PRR5L: variants seen among roughly 807,000 people sequenced by gnomAD.
PRR5L encodes the protein proline-rich protein 5-like.
Under a neutral mutation model 36.4 loss-of-function variants are expected in PRR5L, and 21 were observed. That is an observed-to-expected ratio of 0.58 (90% confidence interval 0.41 to 0.83). The LOEUF is 0.83. Among genes scored for constraint, PRR5L ranks in the 40% least tolerant of loss-of-function variants. The pLI, the probability that PRR5L is intolerant of heterozygous loss-of-function variation, is 0.00. For missense variants in PRR5L, 381 were observed against 473.3 expected, an observed-to-expected ratio of 0.80 and a Z score of 1.81; for synonymous variants, 188 against 197.0, an observed-to-expected ratio of 0.95 and a Z score of 0.38.
intron 1 of PRR5L, among the ~76,000 whole-genome samples, chr11:36,311,683 T>C (rs1341154588): frequency 6.6e-6 from 1 of 152,210 alleles, no homozygotes; most frequent in Non-Finnish European, 1.5e-5. Context: ...CACAGTAAGA[T>C]CTTTTCACAC....
At chr11:36,314,963 C>G (rs1263272027) in intron 1 of PRR5L, among the ~76,000 whole-genome samples, 1 of 152,256 alleles carries the variant, frequency 6.6e-6, no homozygotes, top group Admixed American at 6.5e-5. Context: ...TAGAACAGCG[C>G]CTGGTGTCTA....
chr11:36,320,047 A>G (rs539482479), intron 1 of PRR5L, among the ~76,000 whole-genome samples: 2 of 152,222 alleles, frequency 1.3e-5, no homozygotes, highest in South Asian at 4.1e-4. Context: ...TTCCCATATC[A>G]AGTGTATTCA....
intron 7 of PRR5L, among the ~76,000 whole-genome samples, chr11:36,449,399 C>T (rs750134946): frequency 2.0e-5 from 3 of 152,218 alleles, no homozygotes; most frequent in Admixed American, 6.5e-5. Context: ...CCTTCAGCTC[C>T]GTCTTTTCTG....
intron 1 of PRR5L, among the ~76,000 whole-genome samples, chr11:36,394,957 T>C (rs1481447173): frequency 6.6e-6 from 1 of 152,188 alleles, no homozygotes; most frequent in East Asian, 1.9e-4. Context: ...GTGATACACA[T>C]TTGTGGCTGT....
At chr11:36,337,687 T>C (rs1156244393) in intron 1 of PRR5L, among the ~76,000 whole-genome samples, 1 of 152,234 alleles carries the variant, frequency 6.6e-6, no homozygotes, top group Non-Finnish European at 1.5e-5. Context: ...GCTGCCATAT[T>C]GTTCCGCATG....
intron 1 of PRR5L, among the ~76,000 whole-genome samples, chr11:36,380,209 G>A (rs909218330): frequency 9.2e-5 from 14 of 152,172 alleles, no homozygotes; most frequent in African/African-American, 3.4e-4. Flanking sequence ...GGATAATTCT[G>A]ACAGTAGTGA....
rs369799749 is a variant in PRR5L, at chr11:36,413,819, G to A, written c.246-5436G>A. On this transcript the variant is annotated intron_variant, in intron 3 of 8. Coordinates refer to ENST00000530639, the MANE Select transcript of PRR5L (RefSeq NM_001160167.2). Reference sequence around the variant, plus strand: ...GCTGGTGTGCTGCACCCATTAACTCGTCATTTAGCATTAGGTATATCTCCT... The same window carrying A: ...GCTGGTGTGCTGCACCCATTAACTCATCATTTAGCATTAGGTATATCTCCT... Among the ~76,000 whole-genome samples, 417 of 147,812 alleles carry A rather than the reference G, an allele frequency of 2.8e-3. 4 individuals are homozygous for A. The highest frequency in any genetic ancestry group is 7.8e-3 in the South Asian group (36 of 4,594).
intron 1 of PRR5L, among the ~76,000 whole-genome samples, chr11:36,371,610 C>T (rs1857197713): frequency 6.6e-6 from 1 of 152,116 alleles, no homozygotes; most frequent in Admixed American, 6.5e-5. Context: ...AAGGAGAAAA[C>T]TTATGGGAGG....
intron 4 of PRR5L, among the ~76,000 whole-genome samples, chr11:36,420,507 G>A (rs1858240407): frequency 6.6e-6 from 1 of 152,134 alleles, no homozygotes; most frequent in African/African-American, 2.4e-5. Context: ...TTGTCGTGAA[G>A]ACTAAATAAG....
In PRR5L at chr11:36,403,347, A is replaced by G; in HGVS notation, c.214A>G (p.Asn72Asp). 1 of 1,614,190 alleles carries G rather than the reference A, an allele frequency of 6.2e-7. No homozygotes were observed. The highest frequency in any genetic ancestry group is 8.5e-7 in the Non-Finnish European group (1 of 1,180,030). Residue 72 changes from asparagine (N) to aspartate (D), a missense_variant, in exon 3 of 9, where the codon AAC (asparagine) becomes GAC (aspartate). Asn to Asp is a conservative substitution (Grantham distance 23). Coordinates refer to ENST00000530639, the MANE Select transcript of PRR5L (RefSeq NM_001160167.2). ...TTTCAAAGGGGGTGGCTTGCAAAGC[A>G]ACGAGCTCTATGCCCTGAACGAAAA... ...NVFKGGGLQS[N>D]ELYALNENIR...
intron 1 of PRR5L, among the ~76,000 whole-genome samples, chr11:36,348,928 C>T (rs141241037): frequency 1.3e-5 from 2 of 152,276 alleles, no homozygotes; most frequent in Non-Finnish European, 2.9e-5. Flanking sequence ...AGCGGGGTAT[C>T]AGGCACACAG....
At position 36,463,958 on chromosome 11, in the gene PRR5L, A is replaced by G. The variant is rs888362520; in HGVS notation, c.*1222A>G. The stretch of plus-strand genomic sequence containing the variant: ...GAAGCATGGAAAATGGAATGTTTCC[A>G]TGCTTTACAGTGCTGGGAGAGAGGG... On this transcript the variant is annotated 3_prime_UTR_variant, in exon 9 of 9. Coordinates refer to ENST00000530639, the MANE Select transcript of PRR5L (RefSeq NM_001160167.2). The G allele has an allele frequency of 9.2e-5, 14 of 152,200 alleles. No individual in the cohort carries two copies. The highest frequency in any genetic ancestry group is 3.1e-4 in the African/African-American group (13 of 41,446). The allele number at this position is 152,200 out of a possible 1,614,324, so 9.4% of individuals were successfully genotyped here.
chr11:36,451,104 C>T (rs147513581), intron 7 of PRR5L, 105 bp from the exon 8 acceptor site: 5 of 1,397,206 alleles, frequency 3.6e-6, no homozygotes, highest in Middle Eastern at 1.8e-4. Flanking sequence ...GCCAGCAACA[C>T]AGCCTTGTAC....
At chr11:36,394,715 T>G (rs939579162) in intron 1 of PRR5L, among the ~76,000 whole-genome samples, 1 of 152,200 alleles carries the variant, frequency 6.6e-6, no homozygotes, top group Non-Finnish European at 1.5e-5. Flanking sequence ...ATCCCCTTTA[T>G]AAGGACACAT....
intron 1 of PRR5L, among the ~76,000 whole-genome samples, chr11:36,316,763 A>G (rs1198381366): frequency 6.6e-6 from 1 of 152,180 alleles, no homozygotes; most frequent in African/African-American, 2.4e-5. Flanking sequence ...CATGACCCCT[A>G]AAACATAATT....
rs189298623 is a variant in PRR5L, at chr11:36,322,089, T to G, written c.-126+25651T>G. ...CAACCCATAACAGTCTCCCCAGCCC[T>G]CAGGTCTACTCCTCAGAATCACTAT... On this transcript the variant is annotated intron_variant, in intron 1 of 8. Transcript: ENST00000530639. Among the ~76,000 whole-genome samples the G allele has an allele frequency of 3.3e-5, 5 of 152,296 alleles. No homozygotes were observed. In the East Asian group the frequency reaches 9.6e-4, roughly 29 times the overall value.
At chr11:36,434,639 C>T (rs561871464) in intron 5 of PRR5L, among the ~76,000 whole-genome samples, 1 of 152,262 alleles carries the variant, frequency 6.6e-6, no homozygotes, top group South Asian at 2.1e-4. Context: ...TAAACTGCTG[C>T]GTTACATTAG....
At position 36,344,909 on chromosome 11, in the gene PRR5L, T is replaced by C. The variant is rs982954408; in HGVS notation, c.-126+48471T>C. Among the ~76,000 whole-genome samples, 3 of 152,186 alleles carry C rather than the reference T, an allele frequency of 2.0e-5. No individual in the cohort carries two copies. The highest frequency in any genetic ancestry group is 7.2e-5 in the African/African-American group (3 of 41,432). On this transcript the variant is annotated intron_variant, in intron 1 of 8. Coordinates refer to ENST00000530639, the MANE Select transcript of PRR5L (RefSeq NM_001160167.2). The surrounding 1 kb of genome is among the most constrained non-coding windows in gnomAD (Gnocchi z 4.1). ...TTGAAGCATTTTTGCCAAGCTTGATTTGTTAAAATTTAGCAACAACAAAGT... is the reference window on the plus strand; with the variant it reads ...TTGAAGCATTTTTGCCAAGCTTGATCTGTTAAAATTTAGCAACAACAAAGT...
rs1460983918 is a variant in PRR5L at position 36,312,624 on chromosome 11, C to T, written c.-126+16186C>T. On this transcript the variant is annotated intron_variant, in intron 1 of 8. Transcript: ENST00000530639. ...ACCAATGTTCAAGTCCTGGCTCTGC[C>T]ACTTACTAAACACGTGGGACTAGGT... Among the ~76,000 whole-genome samples the T allele has an allele frequency of 2.0e-5, 3 of 152,360 alleles. No homozygotes were observed. In the East Asian group the frequency reaches 5.8e-4, roughly 29 times the overall value.
Sources: gnomAD v4.1 joint callset for allele counts (sites outside exome capture counted in the v4.1 genomes callset) on GRCh38, gnomAD v4.1.1 for gene constraint, Gnocchi (gnomAD v3.1) non-coding constraint, MANE v1.5 for transcripts, NCBI Gene and HGNC (gene_info 2026-07-23, HGNC 2026-07-21) for gene names.